MOB1B: variants seen among roughly 807,000 people sequenced by gnomAD.
MOB1B encodes MOB kinase activator 1B.
In MOB1B, 19 loss-of-function variants were observed where a neutral mutation model predicts 24.4. That is an observed-to-expected ratio of 0.78 (90% CI 0.54 to 1.14). The LOEUF is 1.14. Among genes scored for constraint, MOB1B ranks in the 50% most tolerant of loss-of-function variants. MOB1B has a pLI of 0.00. For missense variants in MOB1B, 243 were observed against 259.6 expected, an observed-to-expected ratio of 0.94 and a Z score of 0.44; for synonymous variants, 76 against 82.1, an observed-to-expected ratio of 0.93 and a Z score of 0.40.
At chr4:70,977,932 T>C (rs1739065119) in intron 4 of MOB1B, among the ~76,000 whole-genome samples, 1 of 152,194 alleles carries the variant, frequency 6.6e-6, no homozygotes. Context: ...CAAGTGATAC[T>C]CCCACCTTGT....
At chr4:70,944,905 T>C (rs1031253824) in intron 1 of MOB1B, among the ~76,000 whole-genome samples, 3 of 152,240 alleles carry the variant, frequency 2.0e-5, no homozygotes, top group East Asian at 1.9e-4. Flanking sequence ...CCTACCAGCA[T>C]TGGGGATTAC....
rs1034044408 is a variant in MOB1B at position 70,984,725 on chromosome 4, G to A, written c.*2668G>A. 2.6e-5 allele frequency: 4 copies of A among 151,876 alleles called. No homozygotes were observed. In the South Asian group the frequency reaches 8.3e-4, roughly 32 times the overall value. 9.4% of individuals were successfully genotyped at this position (151,876 alleles called of 1,614,324 possible). A position where few individuals can be genotyped will look rare whatever the true frequency, so the allele number is the denominator to read the frequency against. On this transcript the variant is annotated 3_prime_UTR_variant, in exon 6 of 6. Coordinates refer to ENST00000309395, the MANE Select transcript of MOB1B (RefSeq NM_173468.4). Reference sequence around the variant, plus strand: ...AATTACTTTAATTGATGGAGTAGTGGTGGTAGAGAGAAATTAATAACAAAA... The same window carrying A: ...AATTACTTTAATTGATGGAGTAGTGATGGTAGAGAGAAATTAATAACAAAA...
At position 70,983,608 on chromosome 4, in the gene MOB1B, T is replaced by C. The variant is rs755371509; in HGVS notation, c.*1551T>C. 2.0e-4 allele frequency: 31 copies of C among 152,564 alleles called. No homozygotes were observed. The highest frequency in any genetic ancestry group is 4.0e-4 in the Non-Finnish European group (27 of 67,982). 9.5% of individuals were successfully genotyped at this position (152,564 alleles called of 1,614,324 possible). ...AGTTGAAACATATACCTTTTTCACA[T>C]CTAGGAAGAAATGCTTGCTCTGAAA... is the stretch of plus-strand genomic sequence containing the variant. On this transcript the variant is annotated 3_prime_UTR_variant, in exon 6 of 6. Transcript: ENST00000309395.
chr4:70,927,498 C>A (rs1736701244), intron 1 of MOB1B, among the ~76,000 whole-genome samples: 2 of 151,896 alleles, frequency 1.3e-5, no homozygotes, highest in Admixed American at 1.3e-4. Context: ...TGAGATCATG[C>A]CACTGTACCC....
intron 1 of MOB1B, among the ~76,000 whole-genome samples, chr4:70,909,382 C>T (rs1735888192): frequency 6.6e-6 from 1 of 151,918 alleles, no homozygotes; most frequent in South Asian, 2.1e-4. Context: ...GTAGCTCATG[C>T]CTGTAATCCC....
intron 1 of MOB1B, among the ~76,000 whole-genome samples, chr4:70,943,593 T>C (rs1408445797): frequency 6.6e-6 from 1 of 152,202 alleles, no homozygotes; most frequent in Non-Finnish European, 1.5e-5. Flanking sequence ...CATTAGAAGG[T>C]AGCTTCTGAA....
chr4:70,957,276 A>C (rs1738101859), intron 1 of MOB1B, among the ~76,000 whole-genome samples: 4 of 150,438 alleles, frequency 2.7e-5, no homozygotes, highest in Admixed American at 2.6e-4. Context: ...AAAAAAAAAA[A>C]AACAGAAAAA....
At chr4:70,922,506 T>C (rs1401001754) in intron 1 of MOB1B, among the ~76,000 whole-genome samples, 1 of 152,166 alleles carries the variant, frequency 6.6e-6, no homozygotes, top group African/African-American at 2.4e-5. Context: ...AACGGTTACA[T>C]TCTTTTGAGT....
chr4:70,950,427 CAAAAAAA>C (rs34937726), intron 1 of MOB1B, among the ~76,000 whole-genome samples: 3 of 70,390 alleles, frequency 4.3e-5, no homozygotes, highest in South Asian at 5.1e-4. Flanking sequence ...GTCTCTGTAT[CAAAAAAA>C]AAAAAAAAAA....
At chr4:70,968,127 G>A (rs1738610003) in intron 2 of MOB1B, among the ~76,000 whole-genome samples, 1 of 152,248 alleles carries the variant, frequency 6.6e-6, no homozygotes, top group African/African-American at 2.4e-5. Context: ...TGGGGTTACA[G>A]GCGTGAGCCA....
At chr4:70,928,405 C>T (rs1465547217) in intron 1 of MOB1B, among the ~76,000 whole-genome samples, 3 of 151,670 alleles carry the variant, frequency 2.0e-5, no homozygotes, top group Non-Finnish European at 4.4e-5. Context: ...AAGCGATTCT[C>T]CTGCTTCAGC....
chr4:70,913,298 AT>A (rs1180245341), intron 1 of MOB1B, among the ~76,000 whole-genome samples: 1 of 151,614 alleles, frequency 6.6e-6, no homozygotes, highest in East Asian at 1.9e-4. Flanking sequence ...GTATGTATGT[AT>A]GTATCTATGT....
At chr4:70,959,682 A>T (rs541244806) in intron 2 of MOB1B, among the ~76,000 whole-genome samples, 1 of 152,212 alleles carries the variant, frequency 6.6e-6, no homozygotes, top group East Asian at 1.9e-4. Flanking sequence ...TTATAACCTT[A>T]TGATGTAGGT....
At chr4:70,942,597 A>C (rs888785132) in intron 1 of MOB1B, among the ~76,000 whole-genome samples, 1 of 152,216 alleles carries the variant, frequency 6.6e-6, no homozygotes, top group African/African-American at 2.4e-5. Flanking sequence ...ATTGAAATAA[A>C]ACTTGTACCT....
chr4:70,903,611 A>G (rs970339922), intron 1 of MOB1B, among the ~76,000 whole-genome samples: 4 of 152,362 alleles, frequency 2.6e-5, no homozygotes, highest in African/African-American at 7.2e-5. Context: ...TGTTGTGGAG[A>G]AATTAGCATT....
chr4:70,916,713 A>G (rs994375949), intron 1 of MOB1B, among the ~76,000 whole-genome samples: 10 of 152,144 alleles, frequency 6.6e-5, no homozygotes, highest in African/African-American at 2.4e-4. Context: ...GATTACAGGC[A>G]TGTGCCACCA....
chr4:70,904,592 C>G (rs892043032), intron 1 of MOB1B, among the ~76,000 whole-genome samples: 3 of 151,748 alleles, frequency 2.0e-5, no homozygotes, highest in African/African-American at 7.3e-5. Context: ...AACCCCGTCT[C>G]TACTAAAAAT....
chr4:70,926,334 C>T (rs1032559276), intron 1 of MOB1B, among the ~76,000 whole-genome samples: 1 of 151,444 alleles, frequency 6.6e-6, no homozygotes, highest in Admixed American at 6.6e-5. Flanking sequence ...TGAGGAAATC[C>T]GAGATTCAGA....
At chr4:70,970,084 AAACG>A in intron 3 of MOB1B, 60 bp downstream of exon 3, 1 of 1,039,872 alleles carries the variant, frequency 9.6e-7, no homozygotes, top group South Asian at 1.5e-5. Flanking sequence ...TCTTAAAGAA[AAACG>A]AAGTTTCTGA....
Sources: gnomAD v4.1 joint callset for allele counts (sites outside exome capture counted in the v4.1 genomes callset) on GRCh38, gnomAD v4.1.1 for gene constraint, MANE v1.5 for transcripts, NCBI Gene and HGNC (gene_info 2026-07-23, HGNC 2026-07-21) for gene names.